Variants in MPHOSPH9 observed in about 807,000 individuals in gnomAD.
MPHOSPH9 encodes the protein M-phase phosphoprotein 9.
A neutral mutation model predicts 145.5 loss-of-function variants in MPHOSPH9; 88 were observed. The ratio of observed to expected loss-of-function variants is 0.60; its 90% CI spans 0.51 to 0.72. MPHOSPH9 has a LOEUF of 0.72. Ranked by LOEUF, MPHOSPH9 falls within the 30% of genes least tolerant of loss-of-function variation. The pLI is 0.00. For synonymous variants in MPHOSPH9, 435 were observed against 486.2 expected (o/e 0.89, Z 1.39); for missense variants, 1,238 against 1,386.6 (o/e 0.89, Z 1.70).
chr12:123,182,539 C>T (rs955654067), intron 13 of MPHOSPH9, among the ~76,000 whole-genome samples: 1 of 151,704 alleles, frequency 6.6e-6, no homozygotes, highest in Admixed American at 6.6e-5. Flanking sequence ...AGCCACCACG[C>T]CTGGCCTATT....
At chr12:123,237,310 G>A (rs1034310937), upstream of MPHOSPH9, among the ~76,000 whole-genome samples, 4 of 152,122 alleles carry the variant, frequency 2.6e-5, no homozygotes, top group African/African-American at 9.7e-5. Flanking sequence ...GGTGCCTGTA[G>A]TCCCAGATAC....
In MPHOSPH9 at chr12:123,193,071, C is replaced by CA. The variant is rs768866302; in HGVS notation, c.2241+1314dup. ...TGGGCGACAGAGAGGGATTGTCTTTCAAAAAAAAAAAAAAAAAAAAAAAAA... is the reference window on the plus strand; with the variant it reads ...TGGGCGACAGAGAGGGATTGTCTTTCAAAAAAAAAAAAAAAAAAAAAAAAAA... On this transcript the variant is annotated intron_variant, in intron 13 of 23. Transcript: ENST00000606320. Among the ~76,000 whole-genome samples the CA allele has an allele frequency of 2.1e-3, 61 of 29,594 alleles. 2 individuals carry two copies. The highest frequency in any genetic ancestry group is 7.8e-3 in the African/African-American group (54 of 6,904). 19.4% of individuals were successfully genotyped at this position (29,594 alleles called of 152,430 possible).
chr12:123,178,565 C>T (rs758093526), intron 15 of MPHOSPH9, among the ~76,000 whole-genome samples: 1 of 151,996 alleles, frequency 6.6e-6, no homozygotes, highest in Admixed American at 6.6e-5. Context: ...GCTCTGTCAC[C>T]CAGGCTGGAG....
chr12:123,194,063 G>C (rs956430623), intron 13 of MPHOSPH9, among the ~76,000 whole-genome samples: 2 of 152,146 alleles, frequency 1.3e-5, no homozygotes, highest in African/African-American at 4.8e-5. Flanking sequence ...GAGGTCAGGA[G>C]TTCGAGACCA....
chr12:123,166,537 T>A, intron 17 of MPHOSPH9, 118 bp downstream of exon 17: 1 of 1,122,354 alleles, frequency 8.9e-7, no homozygotes, highest in South Asian at 1.4e-5. Context: ...AAAAGTCAGG[T>A]TCTCAAAATT....
chr12:123,198,872 C>T (rs1036603830), intron 11 of MPHOSPH9, among the ~76,000 whole-genome samples: 2 of 115,252 alleles, frequency 1.7e-5, no homozygotes, highest in East Asian at 6.4e-4. Context: ...AAAAAAAAGA[C>T]ATGCATAAAA....
chr12:123,202,643 C>G lies in MPHOSPH9; in HGVS notation c.1762G>C (p.Asp588His). The change falls in exon 10 of 24, where the codon GAT (aspartate) becomes CAT (histidine). Residue 588 changes from aspartate (D) to histidine (H), a missense_variant. Asp to His is a moderately conservative substitution (Grantham distance 81). This residue lies in a region of MPHOSPH9 where 837 missense variants were observed against 897.5 expected (regional missense o/e 0.93). Transcript: ENST00000606320. ...PECISLTSLE[D>H]PVILSKIRQN... ...ACATACTTAGACAATATCACAGGATCTTCCAAGGAAGTCAATGAAATGCAT... is the reference window on the plus strand; with the variant it reads ...ACATACTTAGACAATATCACAGGATGTTCCAAGGAAGTCAATGAAATGCAT... 6.2e-7 allele frequency: 1 copy of G among 1,613,722 alleles called. No individual in the cohort carries two copies. The highest frequency in any genetic ancestry group is 8.5e-7 in the Non-Finnish European group (1 of 1,179,712).
chr12:123,228,620 G>C (rs920417672), intron 2 of MPHOSPH9, among the ~76,000 whole-genome samples: 1 of 152,078 alleles, frequency 6.6e-6, no homozygotes, highest in South Asian at 2.1e-4. Context: ...CCCAGGACAC[G>C]GAGATCGCAA....
intron 16 of MPHOSPH9, among the ~76,000 whole-genome samples, chr12:123,171,693 G>A (rs1236966937): frequency 6.6e-6 from 1 of 151,986 alleles, no homozygotes; most frequent in East Asian, 1.9e-4. Context: ...AGGTTACAGT[G>A]AGCCGAGATT....
intron 23 of MPHOSPH9, among the ~76,000 whole-genome samples, 199 bp from the exon 24 acceptor site, chr12:123,157,107 C>T (rs929523787): frequency 1.3e-5 from 2 of 152,144 alleles, no homozygotes; most frequent in African/African-American, 4.8e-5. Context: ...CAAATAACTG[C>T]TGTACTTTAA....
intron 2 of MPHOSPH9, among the ~76,000 whole-genome samples, chr12:123,229,441 T>A (rs1218472789): frequency 2.0e-5 from 3 of 152,238 alleles, no homozygotes; most frequent in Non-Finnish European, 4.4e-5. Context: ...AAATGCATTT[T>A]AAAAAATTAA....
chr12:123,184,567 T>C (rs2138142199), intron 13 of MPHOSPH9, among the ~76,000 whole-genome samples: 1 of 151,062 alleles, frequency 6.6e-6, no homozygotes, highest in African/African-American at 2.4e-5. Context: ...GCGTGATCTC[T>C]ACTCACTGCA....
intron 1 of MPHOSPH9, among the ~76,000 whole-genome samples, chr12:123,243,578 G>C (rs918712337): frequency 6.6e-6 from 1 of 151,666 alleles, no homozygotes; most frequent in Non-Finnish European, 1.5e-5. Flanking sequence ...GGTGGCACGT[G>C]CCTGTAGTCC....
At chr12:123,213,449 C>T (rs2046831290) in intron 7 of MPHOSPH9, among the ~76,000 whole-genome samples, 1 of 152,048 alleles carries the variant, frequency 6.6e-6, no homozygotes, top group Non-Finnish European at 1.5e-5. Context: ...AAGCAATCTT[C>T]CCATTTCAGC....
intron 16 of MPHOSPH9, among the ~76,000 whole-genome samples, chr12:123,173,973 G>GC (rs1359719841): frequency 1.3e-5 from 2 of 152,192 alleles, no homozygotes; most frequent in African/African-American, 4.8e-5. Flanking sequence ...GAAATGGGAA[G>GC]TCTTGGGGAC....
chr12:123,166,520 G>A, intron 17 of MPHOSPH9, 135 bp downstream of exon 17: 1 of 1,013,852 alleles, frequency 9.9e-7, no homozygotes, highest in Non-Finnish European at 1.5e-6. Context: ...GCCTTTCAAA[G>A]TAAAATAAAA....
rs913613628 is a variant in MPHOSPH9, at chr12:123,156,017, G to A, written c.*790C>T. On this transcript the variant is annotated 3_prime_UTR_variant, in exon 24 of 24. Coordinates refer to ENST00000606320, the MANE Select transcript of MPHOSPH9 (RefSeq NM_022782.4). ...CCAGGCTGCCCTCTTAATCCCTCAC[G>A]GGGTGGTGGCTTGTATTTCAAAGGG... The A allele has an allele frequency of 3.9e-5, 6 of 152,224 alleles. No individual in the cohort carries two copies. The highest frequency in any genetic ancestry group is 1.9e-4 in the East Asian group (1 of 5,196). The allele number at this position is 152,224 out of a possible 1,614,324, so 9.4% of individuals were successfully genotyped here.
intron 13 of MPHOSPH9, among the ~76,000 whole-genome samples, chr12:123,188,482 C>T (rs914008337): frequency 6.6e-6 from 1 of 152,198 alleles, no homozygotes; most frequent in Non-Finnish European, 1.5e-5. Context: ...CAGAACCTTG[C>T]TGTGTTCCAT....
At chr12:123,205,380 T>C (rs1228656571) in intron 8 of MPHOSPH9, among the ~76,000 whole-genome samples, 2 of 152,110 alleles carry the variant, frequency 1.3e-5, no homozygotes, top group East Asian at 3.9e-4. Flanking sequence ...ACCCCATCTC[T>C]ACTAAAAACA....
Sources: allele counts gnomAD v4.1 joint callset (sites outside exome capture counted in the v4.1 genomes callset), GRCh38; gene constraint gnomAD v4.1.1; regional missense constraint gnomAD v4.1.1; transcripts MANE v1.5; gene names NCBI Gene and HGNC (gene_info 2026-07-23, HGNC 2026-07-21).